MTUS2: variants seen among roughly 807,000 people sequenced by gnomAD.
MTUS2 encodes microtubule associated scaffold protein 2.
Under a neutral mutation model 114.1 loss-of-function variants are expected in MTUS2, and 40 were observed. The ratio of observed to expected loss-of-function variants is 0.35; its 90% confidence interval spans 0.27 to 0.46. MTUS2 has a LOEUF of 0.46. MTUS2 is among the 20% of genes least tolerant of loss of function. The pLI, the probability that MTUS2 is intolerant of heterozygous loss-of-function variation, is 1.00. For missense variants in MTUS2, 1,679 were observed against 1,705.4 expected, an observed-to-expected ratio of 0.98 and a Z score of 0.27; for synonymous variants, 688 against 672.0, an observed-to-expected ratio of 1.02 and a Z score of -0.37.
intron 9 of MTUS2, among the ~76,000 whole-genome samples, chr13:29,465,310 A>G (rs1185159202): frequency 6.6e-6 from 1 of 152,160 alleles, no homozygotes; most frequent in South Asian, 2.1e-4. Flanking sequence ...CATTTTATAG[A>G]TAAGGACGGT....
intron 2 of MTUS2, among the ~76,000 whole-genome samples, chr13:29,022,184 C>T (rs968984175): frequency 2.0e-5 from 3 of 151,964 alleles, no homozygotes; most frequent in Non-Finnish European, 4.4e-5. Context: ...GAACAAAAAC[C>T]AGCTTATAGG....
At chr13:29,126,356 C>T (rs1224097712) in intron 5 of MTUS2, among the ~76,000 whole-genome samples, 1 of 152,162 alleles carries the variant, frequency 6.6e-6, no homozygotes, top group Non-Finnish European at 1.5e-5. Context: ...ATTTCCCATT[C>T]TTTCATTTCT....
At chr13:28,903,494 A>G (rs1304365065) in intron 2 of MTUS2, among the ~76,000 whole-genome samples, 2 of 139,864 alleles carry the variant, frequency 1.4e-5, no homozygotes, top group African/African-American at 2.7e-5. Context: ...ATTCCCACCT[A>G]TGAGTGAGAA....
chr13:29,288,842 C>T (rs980457416), intron 6 of MTUS2, among the ~76,000 whole-genome samples: 1 of 152,210 alleles, frequency 6.6e-6, no homozygotes, highest in Admixed American at 6.5e-5. Context: ...TCCATCATCA[C>T]AGAGTAGCAC....
chr13:29,404,800 T>A (rs1874627966), intron 8 of MTUS2, among the ~76,000 whole-genome samples: 2 of 152,160 alleles, frequency 1.3e-5, no homozygotes, highest in Non-Finnish European at 2.9e-5. Context: ...AGAAGTGTTG[T>A]TTAGTTGCCA....
chr13:28,892,902 G>C (rs1174730260), intron 2 of MTUS2, among the ~76,000 whole-genome samples: 1 of 152,174 alleles, frequency 6.6e-6, no homozygotes, highest in Non-Finnish European at 1.5e-5. Flanking sequence ...TTCCAATGCA[G>C]AGAAGACCAA....
chr13:29,244,387 C>G (rs1041969178), intron 5 of MTUS2, among the ~76,000 whole-genome samples: 5 of 152,052 alleles, frequency 3.3e-5, no homozygotes, highest in African/African-American at 1.2e-4. Context: ...TCTGAAGATC[C>G]CACTGATGGA....
At chr13:29,172,994 A>G (rs763572249) in intron 5 of MTUS2, among the ~76,000 whole-genome samples, 2 of 152,098 alleles carry the variant, frequency 1.3e-5, no homozygotes, top group Admixed American at 1.3e-4. Flanking sequence ...CTTCCATCCA[A>G]CATATATCTC....
intron 5 of MTUS2, among the ~76,000 whole-genome samples, chr13:29,103,392 C>T (rs932250903): frequency 1.3e-5 from 2 of 152,088 alleles, no homozygotes; most frequent in East Asian, 1.9e-4. Context: ...TAAATACTGT[C>T]GGCAATTATA....
Position 29,024,587 on chromosome 13 carries a change from CAG to C in MTUS2, c.-111_-110del. On this transcript the variant is annotated 5_prime_UTR_variant, in exon 3 of 16. An upstream open reading frame in the 5' UTR loses its in-frame stop. Transcript: ENST00000612955. ...AAGCAGTGTCGCAAGGTGACATTGT[CAG>C]GGGAGAACAAGCAGCTTGAGAATTT... The C allele has an allele frequency of 7.6e-7, 1 of 1,314,798 alleles. No homozygotes were observed. The highest frequency in any genetic ancestry group is 2.2e-4 in the Middle Eastern group (1 of 4,644). The allele number at this position is 1,314,798 out of a possible 1,614,324, so 81.4% of individuals were successfully genotyped here. A position where few individuals can be genotyped will look rare whatever the true frequency, so the allele number is the denominator to read the frequency against.
chr13:29,503,315 C>A lies in MTUS2; in HGVS notation c.*109C>A. ...CTGGCCCTGTGCGCATGCTCAGTAG[C>A]TGCGAATGCATCCTAGGCGCGTCCT... is the stretch of plus-strand genomic sequence containing the variant. On this transcript the variant is annotated 3_prime_UTR_variant, in exon 16 of 16. Transcript: ENST00000612955. 1 of 1,235,208 alleles carries A rather than the reference C, an allele frequency of 8.1e-7. No individual in the cohort carries two copies. Among genetic ancestry groups the A allele is most frequent in the Non-Finnish European group, 1.1e-6 (1 of 873,386 alleles). The allele number at this position is 1,235,208 out of a possible 1,614,324, so 76.5% of individuals were successfully genotyped here.
chr13:29,440,121 C>T, intron 9 of MTUS2, 72 bp downstream of exon 9: 1 of 1,420,780 alleles, frequency 7.0e-7, no homozygotes, highest in Non-Finnish European at 9.7e-7. Context: ...GTACCAAAAG[C>T]AATTATGCCT....
intron 5 of MTUS2, among the ~76,000 whole-genome samples, chr13:29,202,699 T>C (rs547965272): frequency 2.9e-4 from 44 of 152,326 alleles, no homozygotes; most frequent in African/African-American, 9.9e-4. Context: ...TTGTGTGGAC[T>C]TCCTTTTTGT....
intron 4 of MTUS2, among the ~76,000 whole-genome samples, chr13:29,070,860 C>T (rs545184129): frequency 6.6e-6 from 1 of 152,080 alleles, no homozygotes; most frequent in South Asian, 2.1e-4. Flanking sequence ...TTTCTCTTAC[C>T]TTATGTTTTC....
intron 6 of MTUS2, among the ~76,000 whole-genome samples, chr13:29,324,319 G>GGT (rs1344973016): frequency 6.6e-6 from 1 of 152,102 alleles, no homozygotes; most frequent in Non-Finnish European, 1.5e-5. Flanking sequence ...CAGATAGTTT[G>GGT]GTCAGGGTCA....
chr13:29,072,838 T>TCTTG (rs1889004362), intron 4 of MTUS2, among the ~76,000 whole-genome samples: 4 of 152,236 alleles, frequency 2.6e-5, no homozygotes, highest in African/African-American at 4.8e-5. Flanking sequence ...CTGAAAGATA[T>TCTTG]TAGTACAAGG....
At chr13:29,082,306 T>A (rs2138734702) in intron 4 of MTUS2, among the ~76,000 whole-genome samples, 1 of 152,296 alleles carries the variant, frequency 6.6e-6, no homozygotes, top group East Asian at 1.9e-4. Context: ...GTCTGTGGCA[T>A]TTTGTTATGA....
At chr13:29,348,413 A>G (rs113747285) in intron 7 of MTUS2, among the ~76,000 whole-genome samples, 2 of 151,502 alleles carry the variant, frequency 1.3e-5, no homozygotes, top group Admixed American at 6.6e-5. Context: ...CCAAATATAT[A>G]TTTCTTATTA....
chr13:29,033,574 T>C lies in MTUS2; in HGVS notation c.2206-311T>C, dbSNP rs1328075234. ...TTCTTTGCTTTATTGACATTTATAG[T>C]TTGGCTACTCACTCAGATTCTAGTG... On this transcript the variant is annotated intron_variant, in intron 3 of 15. Coordinates refer to ENST00000612955, the MANE Select transcript of MTUS2 (RefSeq NM_001033602.4). Among the ~76,000 whole-genome samples, 5 of 152,152 alleles carry C rather than the reference T, an allele frequency of 3.3e-5. No homozygotes were observed. In the East Asian group the frequency reaches 9.6e-4, roughly 29 times the overall value.
Sources: gnomAD v4.1 joint callset for allele counts (sites outside exome capture counted in the v4.1 genomes callset) on GRCh38, gnomAD v4.1.1 for gene constraint, MANE v1.5 for transcripts, NCBI Gene and HGNC (gene_info 2026-07-23, HGNC 2026-07-21) for gene names.